The following PRDM10 variants were observed in gnomAD, a reference collection of about 807,000 sequenced individuals.
The protein encoded by PRDM10 is PR/SET domain 10, also known as PR domain zinc finger protein 10.
Under a neutral mutation model 133.1 loss-of-function variants are expected in PRDM10, and 65 were observed. That is an observed-to-expected ratio of 0.49 (90% CI 0.40 to 0.60). The LOEUF is 0.60. Ranked by LOEUF, PRDM10 falls within the 20% of genes least tolerant of loss-of-function variation. The pLI is 0.00. For synonymous variants in PRDM10, 582 were observed against 580.4 expected, an observed-to-expected ratio of 1.00 and a Z score of -0.04; for missense variants, 1,137 against 1,507.1, an observed-to-expected ratio of 0.75 and a Z score of 4.07.
In PRDM10 at chr11:129,923,419, A is replaced by C. The variant is rs368484794; in HGVS notation, c.1879-16T>G. 7 of 1,598,672 alleles carry C rather than the reference A, an allele frequency of 4.4e-6. No homozygotes were observed. The highest frequency in any genetic ancestry group is 6.0e-6 in the Non-Finnish European group (7 of 1,171,956). Reference sequence around the variant, plus strand: ...GTTTTTTCACCTGGTGATAAGAACCACAGGAAAATTCAGGGGACGCAGGCA... The same window carrying C: ...GTTTTTTCACCTGGTGATAAGAACCCCAGGAAAATTCAGGGGACGCAGGCA... On this transcript the variant is annotated splice_polypyrimidine_tract_variant and intron_variant, in intron 12 of 20. Transcript: ENST00000360871. The surrounding 1 kb of genome is among the most constrained non-coding windows in gnomAD (Gnocchi z 4.4).
chr11:129,970,453 T>G (rs908871955), intron 1 of PRDM10, among the ~76,000 whole-genome samples: 9 of 152,284 alleles, frequency 5.9e-5, no homozygotes, highest in African/African-American at 2.2e-4. Context: ...TCTACACTGC[T>G]TCTCTTCCCA....
intron 1 of PRDM10, among the ~76,000 whole-genome samples, chr11:129,961,755 T>C (rs1022036430): frequency 6.6e-6 from 1 of 152,056 alleles, no homozygotes; most frequent in Non-Finnish European, 1.5e-5. Context: ...GCTTGCTATG[T>C]TCTAAACACT....
chr11:129,954,558 C>A (rs1283207139), intron 4 of PRDM10, among the ~76,000 whole-genome samples: 1 of 152,052 alleles, frequency 6.6e-6, no homozygotes, highest in Non-Finnish European at 1.5e-5. Context: ...AGCCATCATG[C>A]CTGGCCAGAA....
At chr11:129,948,132 C>A (rs1298056432) in intron 4 of PRDM10, 2 of 455,404 alleles carry the variant, frequency 4.4e-6, no homozygotes, top group Non-Finnish European at 4.4e-6. Flanking sequence ...CAGTTTGGGT[C>A]ATGTATTAGG....
At chr11:129,990,381 G>A (rs573201628) in intron 1 of PRDM10, among the ~76,000 whole-genome samples, 84 of 151,578 alleles carry the variant, frequency 5.5e-4, no homozygotes, top group African/African-American at 2.0e-3. Flanking sequence ...AATAAGCCGG[G>A]CGTGGTGGCG....
intron 2 of PRDM10, among the ~76,000 whole-genome samples, chr11:129,958,154 A>C (rs544422068): frequency 3.9e-5 from 6 of 152,242 alleles, no homozygotes; most frequent in Admixed American, 3.9e-4. Context: ...TCTTTTGGGG[A>C]GTAATAAGGG....
chr11:130,002,029 C>A (rs1939424985), intron 1 of PRDM10, among the ~76,000 whole-genome samples: 1 of 151,566 alleles, frequency 6.6e-6, no homozygotes, highest in African/African-American at 2.4e-5. Flanking sequence ...GGCAAGTGGG[C>A]GGCGCGGCCT....
intron 7 of PRDM10, among the ~76,000 whole-genome samples, chr11:129,941,765 G>T (rs985367711): frequency 2.6e-5 from 4 of 152,212 alleles, no homozygotes; most frequent in African/African-American, 9.7e-5. Context: ...GTAGGTTAAT[G>T]CAAGTGTTCT....
intron 19 of PRDM10, 115 bp downstream of exon 19, chr11:129,910,361 G>T: frequency 7.2e-7 from 1 of 1,384,964 alleles, no homozygotes; most frequent in Non-Finnish European, 1.0e-6. Context: ...TTCATAGAGA[G>T]TGTAAACAAT....
chr11:129,969,931 A>T (rs1951982979), intron 1 of PRDM10, among the ~76,000 whole-genome samples: 2 of 152,234 alleles, frequency 1.3e-5, no homozygotes, highest in African/African-American at 4.8e-5. Flanking sequence ...GGTAACTAAA[A>T]AAGTAAGTGA....
chr11:129,942,798 G>GA (rs1173546926), intron 6 of PRDM10, among the ~76,000 whole-genome samples, 169 bp from the exon 7 acceptor site: 1 of 152,120 alleles, frequency 6.6e-6, no homozygotes, highest in Non-Finnish European at 1.5e-5. Context: ...ATGTCAAAGG[G>GA]AAAAGATACT....
chr11:129,915,060 T>C, intron 16 of PRDM10, 42 bp from the exon 17 acceptor site: 1 of 1,535,612 alleles, frequency 6.5e-7, no homozygotes, highest in Middle Eastern at 1.9e-4. Flanking sequence ...TATTAGAATT[T>C]GTGATTTTCC....
rs201002301 is a variant in PRDM10 at position 129,937,587 on chromosome 11, C to A, written c.1039+11G>T. ...TCATATAGAAAATGTAAAACATAAA[C>A]GTCTAACCACCTTTCCTTTCTTCCT... On this transcript the variant is annotated intron_variant, in intron 8 of 20. Coordinates refer to ENST00000360871, the MANE Select transcript of PRDM10 (RefSeq NM_199437.2). The A allele has an allele frequency of 6.2e-7, 1 of 1,610,276 alleles. No individual in the cohort carries two copies. Among genetic ancestry groups the A allele is most frequent in the Non-Finnish European group, 8.5e-7 (1 of 1,177,892 alleles).
chr11:129,944,429 AAAG>A lies in PRDM10; in HGVS notation c.762+339_762+341del, dbSNP rs757951668. Among the ~76,000 whole-genome samples, 44 of 151,572 alleles carry A rather than the reference AAAG, an allele frequency of 2.9e-4. No individual in the cohort carries two copies. In the East Asian group the frequency reaches 6.8e-3, roughly 23 times the overall value. On this transcript the variant is annotated intron_variant, in intron 6 of 20. Coordinates refer to ENST00000360871, the MANE Select transcript of PRDM10 (RefSeq NM_199437.2). ...AACCCCGTCTCTACTAAAAATACAAAAAGAAATTAGCCGGGCGTGGTGGCGGGC... is the reference window on the plus strand; with the variant it reads ...AACCCCGTCTCTACTAAAAATACAAAAAATTAGCCGGGCGTGGTGGCGGGC...
intron 8 of PRDM10, 28 bp downstream of exon 8, chr11:129,937,570 A>G: frequency 1.2e-5 from 19 of 1,597,064 alleles, no homozygotes; most frequent in Non-Finnish European, 1.5e-5. Context: ...ATTCATATAG[A>G]AAATGTAAAA....
chr11:129,905,234 T>C lies in PRDM10; in HGVS notation c.3267+404A>G, dbSNP rs566561267. On this transcript the variant is annotated intron_variant, in intron 20 of 20. Transcript: ENST00000360871. ...AAAATCAGTTGGGTGTGGTGGTGCGTGTCTGTAATCCCAGCTACTTGGGAG... is the reference window on the plus strand; with the variant it reads ...AAAATCAGTTGGGTGTGGTGGTGCGCGTCTGTAATCCCAGCTACTTGGGAG... Among the ~76,000 whole-genome samples, 35 of 152,004 alleles carry C rather than the reference T, an allele frequency of 2.3e-4. 1 individual carries two copies. Among genetic ancestry groups the C allele is most frequent in the Non-Finnish European group, 3.8e-4 (26 of 67,968 alleles).
intron 1 of PRDM10, among the ~76,000 whole-genome samples, chr11:129,987,414 G>T (rs1411706480): frequency 6.6e-6 from 1 of 152,116 alleles, no homozygotes; most frequent in Non-Finnish European, 1.5e-5. Flanking sequence ...GGAGAAACTG[G>T]AACCCTCATA....
chr11:129,995,961 G>GA (rs1555115364), intron 1 of PRDM10, among the ~76,000 whole-genome samples: 1 of 144,782 alleles, frequency 6.9e-6, no homozygotes, highest in Admixed American at 6.9e-5. Flanking sequence ...CAAAAGAAAA[G>GA]AAAAGAAAAA....
chr11:129,991,602 T>A (rs1220086263), intron 1 of PRDM10, among the ~76,000 whole-genome samples: 4 of 152,248 alleles, frequency 2.6e-5, no homozygotes, highest in South Asian at 2.1e-4. Context: ...GTGGATCACC[T>A]GAGGTCAGGA....
Sources: gnomAD v4.1 joint callset for allele counts (sites outside exome capture counted in the v4.1 genomes callset) on GRCh38, gnomAD v4.1.1 for gene constraint, Gnocchi (gnomAD v3.1) non-coding constraint, MANE v1.5 for transcripts, NCBI Gene and HGNC (gene_info 2026-07-23, HGNC 2026-07-21) for gene names.